CFAP206: variants seen among roughly 807,000 people sequenced by gnomAD.
CFAP206 encodes the protein cilia- and flagella-associated protein 206.
In CFAP206, 53 loss-of-function variants were observed where a neutral mutation model predicts 65.4. The observed-to-expected ratio is 0.81, with a 90% CI of 0.65 to 1.02. The LOEUF is 1.02. CFAP206 is among the 50% of genes least tolerant of loss of function. The pLI is 0.00. For synonymous variants in CFAP206, 250 were observed against 254.4 expected, an observed-to-expected ratio of 0.98 and a Z score of 0.17; for missense variants, 663 against 753.2, an observed-to-expected ratio of 0.88 and a Z score of 1.40.
At chr6:87,414,486 C>T (rs1425052597) in intron 4 of CFAP206, among the ~76,000 whole-genome samples, 8 of 152,026 alleles carry the variant, frequency 5.3e-5, no homozygotes, top group Admixed American at 3.9e-4. Context: ...TTAGTAGAGA[C>T]GGGATTTCAC....
intron 11 of CFAP206, among the ~76,000 whole-genome samples, chr6:87,449,398 C>T (rs1768502353): frequency 7.2e-6 from 1 of 139,280 alleles, no homozygotes; most frequent in African/African-American, 2.8e-5. Flanking sequence ...GATCGCACCA[C>T]TGCACTCCAG....
chr6:87,414,522 T>TCCAGGCCTCAAGCG (rs1337579253), intron 4 of CFAP206, among the ~76,000 whole-genome samples: 3 of 152,146 alleles, frequency 2.0e-5, no homozygotes, highest in African/African-American at 7.2e-5. Flanking sequence ...GGTGTCGAAA[T>TCCAGGCCTCAAGCG]CCAGGCCTCA....
chr6:87,437,769 C>T lies in CFAP206; in HGVS notation c.1494+2716C>T, dbSNP rs575109480. On this transcript the variant is annotated intron_variant, in intron 11 of 12. Transcript: ENST00000369562. ...CTCCTGGGTTGAAGCAATCCTCTTG[C>T]CTTGAGCTTTTGTGTAGCTGAGACC... Among the ~76,000 whole-genome samples, 3 of 151,160 alleles carry T rather than the reference C, an allele frequency of 2.0e-5. No homozygotes were observed. The East Asian group carries it at 5.8e-4, about 29-fold the overall frequency.
chr6:87,437,209 C>A (rs569949622), intron 11 of CFAP206, among the ~76,000 whole-genome samples: 3 of 152,280 alleles, frequency 2.0e-5, no homozygotes, highest in African/African-American at 7.2e-5. Context: ...ACCTTGTGAT[C>A]CACCTGCCTT....
At chr6:87,451,191 C>T (rs1562009925) in intron 11 of CFAP206, among the ~76,000 whole-genome samples, 1 of 152,166 alleles carries the variant, frequency 6.6e-6, no homozygotes. Flanking sequence ...TGGGTGCATG[C>T]GACCCAGTGA....
intron 3 of CFAP206, among the ~76,000 whole-genome samples, chr6:87,413,534 G>T (rs1767772665): frequency 6.6e-6 from 1 of 152,046 alleles, no homozygotes; most frequent in Non-Finnish European, 1.5e-5. Flanking sequence ...TCAGGTGTTA[G>T]CTACCCTAAA....
chr6:87,460,199 A>G (rs1257541878), intron 11 of CFAP206, among the ~76,000 whole-genome samples: 1 of 152,148 alleles, frequency 6.6e-6, no homozygotes, highest in Non-Finnish European at 1.5e-5. Flanking sequence ...AACGTCAACA[A>G]TGTCATGTCC....
intron 8 of CFAP206, 111 bp downstream of exon 8, chr6:87,426,756 G>A (rs575203060): frequency 7.9e-6 from 7 of 881,408 alleles, no homozygotes; most frequent in African/African-American, 5.3e-5. Flanking sequence ...ATAATGTTTT[G>A]TATAAATTGA....
At chr6:87,439,286 T>A (rs1248977881) in intron 11 of CFAP206, among the ~76,000 whole-genome samples, 2 of 152,134 alleles carry the variant, frequency 1.3e-5, no homozygotes, top group African/African-American at 2.4e-5. Flanking sequence ...GATTTAGTTA[T>A]ATTTTATTCT....
At chr6:87,437,550 TGTAGTCATATCTATTA>T (rs1768292215) in intron 11 of CFAP206, among the ~76,000 whole-genome samples, 1 of 152,168 alleles carries the variant, frequency 6.6e-6, no homozygotes, top group East Asian at 1.9e-4. Context: ...TTAATTTTAA[TGTAGTCATATCTATTA>T]ATTTTTTCCT....
rs188721494 is a variant in CFAP206, at chr6:87,413,893, G to T, written c.276G>T (p.Thr92=). Residue 92 remains threonine, a synonymous_variant, in exon 4 of 13, where the codon ACG becomes ACT. Coordinates refer to ENST00000369562, the MANE Select transcript of CFAP206 (RefSeq NM_001031743.3). The part of the protein sequence containing the change: ...KMQVYFDMNY[T]NRVEFLEEHH... Reference sequence around the variant, plus strand: ...AAGTCTACTTCGATATGAATTATACGAATCGAGGTAATGTATACTACCTAT... The same window carrying T: ...AAGTCTACTTCGATATGAATTATACTAATCGAGGTAATGTATACTACCTAT... The T allele has an allele frequency of 1.3e-6, 2 of 1,520,006 alleles. No homozygotes were observed. The highest frequency in any genetic ancestry group is 1.3e-5 in the South Asian group (1 of 74,294). 94.2% of individuals were successfully genotyped at this position (1,520,006 alleles called of 1,614,324 possible).
intron 8 of CFAP206, among the ~76,000 whole-genome samples, chr6:87,428,376 G>C (rs1768090753): frequency 6.6e-6 from 1 of 150,816 alleles, no homozygotes; most frequent in Non-Finnish European, 1.5e-5. Flanking sequence ...ACATGTGTTT[G>C]GCTTTTTAAA....
chr6:87,427,647 T>C (rs1314327015), intron 8 of CFAP206, among the ~76,000 whole-genome samples: 1 of 152,214 alleles, frequency 6.6e-6, no homozygotes, highest in African/African-American at 2.4e-5. Context: ...AACTTGCAGC[T>C]CACAAAACAT....
chr6:87,415,999 TCAG>T, intron 5 of CFAP206, 125 bp downstream of exon 5: 1 of 645,184 alleles, frequency 1.5e-6, no homozygotes, highest in East Asian at 3.2e-5. Flanking sequence ...AAAAAAAAAA[TCAG>T]CACAAATGAG....
At chr6:87,430,706 G>A (rs1217498963) in intron 9 of CFAP206, among the ~76,000 whole-genome samples, 4 of 152,106 alleles carry the variant, frequency 2.6e-5, no homozygotes, top group African/African-American at 7.2e-5. Flanking sequence ...ACACACTTTC[G>A]GAAGTGCCCC....
At position 87,438,460 on chromosome 6, in the gene CFAP206, C is replaced by CAAAAA. The variant is rs757336468; in HGVS notation, c.1494+3422_1494+3426dup. ...TGGCAACAGAGCGAGACTCTTGTCT[C>CAAAAA]AAAAAAAAAAAAAAAAAAAGATCAT... On this transcript the variant is annotated intron_variant, in intron 11 of 12. Transcript: ENST00000369562. Among the ~76,000 whole-genome samples, 44 of 110,878 alleles carry CAAAAA rather than the reference C, an allele frequency of 4.0e-4. 2 individuals are homozygous for CAAAAA. Among genetic ancestry groups the CAAAAA allele is most frequent in the East Asian group, 7.7e-4 (3 of 3,904 alleles). The allele number at this position is 110,878 out of a possible 152,430, so 72.7% of individuals were successfully genotyped here.
At chr6:87,444,569 T>C in intron 11 of CFAP206, 1 of 315,282 alleles carries the variant, frequency 3.2e-6, no homozygotes, top group South Asian at 3.5e-5. Context: ...TGTCATTGAG[T>C]TCAGGCATTC....
intron 8 of CFAP206, 149 bp from the exon 9 acceptor site, chr6:87,428,477 A>G (rs1768092358): frequency 1.5e-6 from 1 of 648,752 alleles, no homozygotes; most frequent in Non-Finnish European, 2.7e-6. Flanking sequence ...TTAAATGTCT[A>G]TCTAAAGTCT....
At chr6:87,419,546 C>T in intron 7 of CFAP206, among the ~76,000 whole-genome samples, 1 of 152,184 alleles carries the variant, frequency 6.6e-6, no homozygotes, top group East Asian at 1.9e-4. Context: ...TATGTTCCCA[C>T]TTGTCACCGT....
Sources: gnomAD v4.1 joint callset for allele counts (sites outside exome capture counted in the v4.1 genomes callset) on GRCh38, gnomAD v4.1.1 for gene constraint, MANE v1.5 for transcripts, NCBI Gene and HGNC (gene_info 2026-07-23, HGNC 2026-07-21) for gene names.